The following ENOX1 variants were observed in gnomAD, a reference collection of about 807,000 sequenced individuals.
ENOX1 encodes ecto-NOX disulfide-thiol exchanger 1.
Under a neutral mutation model 82.5 loss-of-function variants are expected in ENOX1, and 42 were observed. The ratio of observed to expected loss-of-function variants is 0.51; its 90% CI spans 0.40 to 0.66. ENOX1 has a LOEUF of 0.66. Ranked by LOEUF, ENOX1 falls within the 30% of genes least tolerant of loss-of-function variation. ENOX1 has a pLI of 0.00. For missense variants in ENOX1, 608 were observed against 811.6 expected, an observed-to-expected ratio of 0.75 and a Z score of 3.05; for synonymous variants, 271 against 282.2, an observed-to-expected ratio of 0.96 and a Z score of 0.40.
intron 1 of ENOX1, among the ~76,000 whole-genome samples, chr13:43,782,064 T>C (rs1489044033): frequency 6.6e-6 from 1 of 152,260 alleles, no homozygotes; most frequent in Non-Finnish European, 1.5e-5. Context: ...TTTAAAGCTC[T>C]TTAGTGTATG....
At chr13:43,665,621 C>T (rs13378269) in intron 2 of ENOX1, among the ~76,000 whole-genome samples, 2 of 151,882 alleles carry the variant, frequency 1.3e-5, no homozygotes, top group Non-Finnish European at 2.9e-5. Context: ...CTGATAGAGG[C>T]GGCATGTAAA....
intron 2 of ENOX1, among the ~76,000 whole-genome samples, chr13:43,572,800 G>A (rs1056509993): frequency 6.6e-6 from 1 of 152,194 alleles, no homozygotes; most frequent in African/African-American, 2.4e-5. Context: ...ACAGCTTTCA[G>A]CTGTAATCCT....
intron 2 of ENOX1, among the ~76,000 whole-genome samples, chr13:43,512,479 C>G (rs1464837526): frequency 6.6e-6 from 1 of 152,072 alleles, no homozygotes; most frequent in East Asian, 1.9e-4. Context: ...AACACTTTGC[C>G]AATGAGCATA....
intron 2 of ENOX1, among the ~76,000 whole-genome samples, chr13:43,515,269 G>A (rs766984912): frequency 3.3e-5 from 5 of 152,222 alleles, no homozygotes; most frequent in South Asian, 2.1e-4. Context: ...TAAAATGCAC[G>A]TTCCTGGATG....
chr13:43,532,760 C>G (rs904938572), intron 2 of ENOX1, among the ~76,000 whole-genome samples: 5 of 151,940 alleles, frequency 3.3e-5, no homozygotes, highest in Non-Finnish European at 7.4e-5. Flanking sequence ...CTAAAAAGAT[C>G]TGCAAAAATG....
intron 9 of ENOX1, among the ~76,000 whole-genome samples, chr13:43,327,421 A>G (rs1012831489): frequency 1.3e-5 from 2 of 152,210 alleles, no homozygotes; most frequent in African/African-American, 4.8e-5. Context: ...ACAAAACTAC[A>G]TAGACAAAGG....
intron 2 of ENOX1, among the ~76,000 whole-genome samples, chr13:43,525,744 T>C (rs183271578): frequency 1.6e-4 from 24 of 152,290 alleles, no homozygotes; most frequent in African/African-American, 4.6e-4. Flanking sequence ...GCTGAGTATC[T>C]TTCCTTGTGC....
At chr13:43,741,074 T>C (rs1285380965) in intron 1 of ENOX1, among the ~76,000 whole-genome samples, 1 of 139,208 alleles carries the variant, frequency 7.2e-6, no homozygotes, top group African/African-American at 2.7e-5. Flanking sequence ...TTCTCCAAAA[T>C]GGCTGAAACT....
At chr13:43,300,928 G>A (rs1480818607) in intron 11 of ENOX1, among the ~76,000 whole-genome samples, 1 of 151,900 alleles carries the variant, frequency 6.6e-6, no homozygotes, top group Non-Finnish European at 1.5e-5. Flanking sequence ...ATGAGCCAGT[G>A]CTTTTTAACA....
intron 14 of ENOX1, among the ~76,000 whole-genome samples, chr13:43,253,886 C>T (rs1194311051): frequency 6.6e-6 from 1 of 152,166 alleles, no homozygotes; most frequent in African/African-American, 2.4e-5. Flanking sequence ...CTCAGGGTAT[C>T]AGGCAGTGCT....
chr13:43,570,790 A>G (rs1252366176), intron 2 of ENOX1, among the ~76,000 whole-genome samples: 1 of 152,138 alleles, frequency 6.6e-6, no homozygotes, highest in East Asian at 1.9e-4. Context: ...GAGGGATGGA[A>G]AGGTGTGGTG....
At chr13:43,524,495 C>T (rs372638449) in intron 2 of ENOX1, among the ~76,000 whole-genome samples, 13 of 152,218 alleles carry the variant, frequency 8.5e-5, no homozygotes, top group East Asian at 3.9e-4. Context: ...CCTCCTCACG[C>T]CCTCCACCCT....
At chr13:43,541,404 G>A (rs965861469) in intron 2 of ENOX1, among the ~76,000 whole-genome samples, 1 of 151,886 alleles carries the variant, frequency 6.6e-6, no homozygotes, top group African/African-American at 2.4e-5. Flanking sequence ...AGAAGACTAA[G>A]GTGGGAAGAT....
intron 5 of ENOX1, among the ~76,000 whole-genome samples, chr13:43,380,498 T>C (rs1481452508): frequency 6.6e-6 from 1 of 150,932 alleles, no homozygotes; most frequent in Admixed American, 6.6e-5. Context: ...AAATAGAAAA[T>C]TGGAATAAAA....
At chr13:43,343,871 C>A (rs184867730) in intron 9 of ENOX1, among the ~76,000 whole-genome samples, 1 of 152,114 alleles carries the variant, frequency 6.6e-6, no homozygotes, top group South Asian at 2.1e-4. Flanking sequence ...AAAAAATATA[C>A]GCCCTTTTTT....
chr13:43,617,488 CT>C (rs1185085951), intron 2 of ENOX1, among the ~76,000 whole-genome samples: 1 of 152,180 alleles, frequency 6.6e-6, no homozygotes, highest in African/African-American at 2.4e-5. Context: ...TATATGCTTA[CT>C]TTTTAAACTT....
intron 3 of ENOX1, among the ~76,000 whole-genome samples, chr13:43,447,463 G>A (rs1342431491): frequency 1.3e-5 from 2 of 152,006 alleles, no homozygotes; most frequent in Non-Finnish European, 2.9e-5. Context: ...TCTATCAGAT[G>A]GACAGGGACC....
intron 2 of ENOX1, among the ~76,000 whole-genome samples, chr13:43,665,502 G>C (rs998502515): frequency 6.6e-6 from 1 of 152,134 alleles, no homozygotes; most frequent in Non-Finnish European, 1.5e-5. Flanking sequence ...AGCCAGAGAA[G>C]AGAATGTTAA....
intron 1 of ENOX1, among the ~76,000 whole-genome samples, chr13:43,678,131 A>G (rs1447384905): frequency 6.6e-6 from 1 of 152,204 alleles, no homozygotes; most frequent in Admixed American, 6.5e-5. Flanking sequence ...AGTGGAGAAA[A>G]AAAGAAAGCT....
Sources: allele counts gnomAD v4.1 joint callset (sites outside exome capture counted in the v4.1 genomes callset), GRCh38; gene constraint gnomAD v4.1.1; transcripts MANE v1.5; gene names NCBI Gene and HGNC (gene_info 2026-07-23, HGNC 2026-07-21).